The following PTGS1 variants were observed in gnomAD, a reference collection of about 807,000 sequenced individuals.
PTGS1 encodes the protein prostaglandin G/H synthase 1.
In PTGS1, 40 loss-of-function variants were observed where a neutral mutation model predicts 63.0. The observed-to-expected ratio is 0.63, with a 90% CI of 0.49 to 0.83. The LOEUF (loss-of-function observed/expected upper bound fraction) is 0.83, where lower values mean the gene tolerates loss of function less well. PTGS1 is among the 40% of genes least tolerant of loss of function. PTGS1 has a pLI of 0.00. For missense variants in PTGS1, 709 were observed against 786.5 expected, an observed-to-expected ratio of 0.90 and a Z score of 1.18; for synonymous variants, 298 against 301.9, an observed-to-expected ratio of 0.99 and a Z score of 0.13.
chr9:122,373,454 T>A (rs1486099405), intron 2 of PTGS1, among the ~76,000 whole-genome samples: 2 of 152,166 alleles, frequency 1.3e-5, no homozygotes, highest in Non-Finnish European at 2.9e-5. Flanking sequence ...GAGAGAATGC[T>A]GCTTTTGCCT....
chr9:122,378,351 TC>T (rs1297710986), intron 3 of PTGS1, 81 bp from the exon 4 acceptor site: 1 of 1,586,588 alleles, frequency 6.3e-7, no homozygotes, highest in African/African-American at 1.3e-5. Flanking sequence ...CTGGCCCTTG[TC>T]CTCAGTGCCC....
At chr9:122,382,710 T>G (rs1045241925) in intron 7 of PTGS1, among the ~76,000 whole-genome samples, 1 of 152,232 alleles carries the variant, frequency 6.6e-6, no homozygotes, top group Non-Finnish European at 1.5e-5. Context: ...AGTTTGATGC[T>G]GAATCTTTAG....
At chr9:122,386,361 C>G in intron 8 of PTGS1, 85 bp from the exon 9 acceptor site, 12 of 1,398,504 alleles carry the variant, frequency 8.6e-6, no homozygotes, top group Non-Finnish European at 1.2e-5. Context: ...AAAGCAAGCA[C>G]CTCTCATGAA....
In PTGS1 at chr9:122,395,309, GTAATTTAAACATTT is replaced by G. The variant is rs1838516274; in HGVS notation, c.*2766_*2779del. On this transcript the variant is annotated 3_prime_UTR_variant, in exon 11 of 11. Coordinates refer to ENST00000362012, the MANE Select transcript of PTGS1 (RefSeq NM_000962.4). ...TTCAGAGTGAAGAATCTTAATGCTT[GTAATTTAAACATTT>G]GTTCCTGGAGTTTTGATTTGGTGGA... 1 of 152,328 alleles carries G rather than the reference GTAATTTAAACATTT, an allele frequency of 6.6e-6. No homozygotes were observed. Among genetic ancestry groups the G allele is most frequent in the African/African-American group, 2.4e-5 (1 of 41,562 alleles). 9.4% of individuals were successfully genotyped at this position (152,328 alleles called of 1,614,324 possible). A position where few individuals can be genotyped will look rare whatever the true frequency, so the allele number is the denominator to read the frequency against.
intron 7 of PTGS1, among the ~76,000 whole-genome samples, chr9:122,382,491 C>T (rs75987735): frequency 0.026 from 4,010 of 152,136 alleles, 89 homozygotes; most frequent in South Asian, 0.1. Flanking sequence ...GTGACATGTC[C>T]GACTTGTTCC....
chr9:122,370,917 C>CGG, upstream of PTGS1: 1 of 1,118,584 alleles, frequency 8.9e-7, no homozygotes, highest in Non-Finnish European at 1.2e-6. Context: ...ATGCCTTGGC[C>CGG]GGGGCTGGGC....
intron 2 of PTGS1, 151 bp downstream of exon 2, chr9:122,371,423 G>T: frequency 7.2e-7 from 1 of 1,388,952 alleles, no homozygotes; most frequent in Non-Finnish European, 9.6e-7. Context: ...GTGGGATGGG[G>T]GCTCCCTGAA....
Position 122,383,591 on chromosome 9 carries a change from G to A in PTGS1, c.845G>A (p.Ser282Asn), listed in dbSNP as rs750293213. The A allele has an allele frequency of 1.2e-6, 2 of 1,614,222 alleles. No homozygotes were observed. The highest frequency in any genetic ancestry group is 1.1e-5 in the South Asian group (1 of 91,086). Reference protein sequence around the residue: ...MHYPRGIPPQSQMAVGQEVFG... With the variant: ...MHYPRGIPPQNQMAVGQEVFG... ...TACCCCCGAGGCATCCCGCCCCAGA[G>A]CCAGATGGCTGTGGGCCAGGAGGTG... Residue 282 changes from serine (S) to asparagine (N), a missense_variant, in exon 8 of 11, where the codon AGC becomes AAC. Transcript: ENST00000362012.
intron 8 of PTGS1, among the ~76,000 whole-genome samples, chr9:122,385,250 G>A (rs112114962): frequency 1.3e-3 from 196 of 152,228 alleles, no homozygotes; most frequent in African/African-American, 4.5e-3. Flanking sequence ...GAGCCACAGC[G>A]CCTGGCCGCA....
At chr9:122,373,735 C>T (rs377559607) in intron 2 of PTGS1, among the ~76,000 whole-genome samples, 12 of 152,162 alleles carry the variant, frequency 7.9e-5, no homozygotes, top group Admixed American at 1.3e-4. Flanking sequence ...GTCTGTGGGC[C>T]GGGAGAGGGC....
chr9:122,386,258 A>T (rs1033121450), intron 8 of PTGS1, among the ~76,000 whole-genome samples, 188 bp from the exon 9 acceptor site: 1 of 152,142 alleles, frequency 6.6e-6, no homozygotes, highest in Admixed American at 6.5e-5. Context: ...AGCTGTAATT[A>T]TACCATTGCG....
chr9:122,376,035 A>G (rs1018539957), intron 2 of PTGS1, among the ~76,000 whole-genome samples: 23 of 152,174 alleles, frequency 1.5e-4, no homozygotes, highest in Admixed American at 9.8e-4. Flanking sequence ...AGGGGCAAGA[A>G]GAAGAGTTCT....
chr9:122,379,550 G>C (rs1398109461), intron 5 of PTGS1, among the ~76,000 whole-genome samples: 1 of 152,236 alleles, frequency 6.6e-6, no homozygotes. Flanking sequence ...GTCCTGTGCA[G>C]CCTCATGGTT....
rs1222459160 is a variant in PTGS1, at chr9:122,383,588, A to G, written c.842A>G (p.Gln281Arg). 6.2e-7 allele frequency: 1 copy of G among 1,614,022 alleles called. No homozygotes were observed. Among genetic ancestry groups the G allele is most frequent in the Non-Finnish European group, 8.5e-7 (1 of 1,180,030 alleles). ...CACTACCCCCGAGGCATCCCGCCCC[A>G]GAGCCAGATGGCTGTGGGCCAGGAG... is the stretch of plus-strand genomic sequence containing the variant. The part of the protein sequence containing the change: ...LMHYPRGIPP[Q>R]SQMAVGQEVF... Residue 281 changes from glutamine to arginine, a missense_variant, in exon 8 of 11, where the codon CAG becomes CGG. Physicochemically the swap from Gln to Arg is conservative, Grantham distance 43 (BLOSUM62 1). Coordinates refer to ENST00000362012, the MANE Select transcript of PTGS1 (RefSeq NM_000962.4).
At position 122,393,559 on chromosome 9, in the gene PTGS1, C is replaced by A. The variant is rs1838409399; in HGVS notation, c.*1015C>A. On this transcript the variant is annotated 3_prime_UTR_variant, in exon 11 of 11. Coordinates refer to ENST00000362012, the MANE Select transcript of PTGS1 (RefSeq NM_000962.4). ...ACCTGGAAGATATAACATTCAGTTC[C>A]CACCATCTGATTAAAACAACTTCCT... 1 of 152,218 alleles carries A rather than the reference C, an allele frequency of 6.6e-6. No individual in the cohort carries two copies. The highest frequency in any genetic ancestry group is 1.5e-5 in the Non-Finnish European group (1 of 68,048). The allele number at this position is 152,218 out of a possible 1,614,324, so 9.4% of individuals were successfully genotyped here. A position where few individuals can be genotyped will look rare whatever the true frequency, so the allele number is the denominator to read the frequency against.
chr9:122,389,930 C>A (rs1383102840), intron 9 of PTGS1, among the ~76,000 whole-genome samples: 1 of 151,938 alleles, frequency 6.6e-6, no homozygotes, highest in Non-Finnish European at 1.5e-5. Flanking sequence ...CCACTGCACT[C>A]CAGCCAGGGC....
chr9:122,387,088 TTA>T (rs1564143288), intron 9 of PTGS1, among the ~76,000 whole-genome samples: 1 of 151,902 alleles, frequency 6.6e-6, no homozygotes, highest in Non-Finnish European at 1.5e-5. Flanking sequence ...TAAGAGTATG[TTA>T]TAAACCATAG....
intron 2 of PTGS1, among the ~76,000 whole-genome samples, chr9:122,374,679 G>A (rs1837013898): frequency 6.6e-6 from 1 of 152,182 alleles, no homozygotes. Context: ...ATCTGGTTGT[G>A]GCAGGAGATG....
At chr9:122,378,152 TCC>T in intron 3 of PTGS1, 137 bp downstream of exon 3, 4 of 935,578 alleles carry the variant, frequency 4.3e-6, no homozygotes, top group South Asian at 1.5e-5. Flanking sequence ...TCTGCCCCTC[TCC>T]CTGACCTGGC....
Sources: gnomAD v4.1 joint callset for allele counts (sites outside exome capture counted in the v4.1 genomes callset) on GRCh38, gnomAD v4.1.1 for gene constraint, MANE v1.5 for transcripts, NCBI Gene and HGNC (gene_info 2026-07-23, HGNC 2026-07-21) for gene names.